The following AGBL1 variants were observed in gnomAD, a reference collection of about 807,000 sequenced individuals.
The protein encoded by AGBL1 is cytosolic carboxypeptidase 4.
Under a neutral mutation model 118.9 loss-of-function variants are expected in AGBL1, and 130 were observed. The observed-to-expected ratio is 1.09, with a 90% CI of 0.95 to 1.26. The LOEUF (loss-of-function observed/expected upper bound fraction) is 1.26, where lower values mean the gene tolerates loss of function less well. Ranked by LOEUF, AGBL1 falls within the 50% of genes most tolerant of loss-of-function variation. The probability of loss-of-function intolerance (pLI) is 0.00; values close to 1 mark genes in which losing one functional copy is unlikely to be tolerated. For missense variants in AGBL1, 1,584 were observed against 1,298.1 expected (o/e 1.22, Z -3.38); for synonymous variants, 555 against 478.9 (o/e 1.16, Z -2.08).
intron 17 of AGBL1, among the ~76,000 whole-genome samples, chr15:86,362,109 G>A (rs892384293): frequency 4.6e-5 from 7 of 152,022 alleles, no homozygotes; most frequent in Admixed American, 4.6e-4. Context: ...ACTAGAGGCT[G>A]CCATGAAATG....
intron 22 of AGBL1, among the ~76,000 whole-genome samples, chr15:86,893,579 G>A (rs2080082006): frequency 6.6e-6 from 1 of 152,108 alleles, no homozygotes. Flanking sequence ...TCATAAAGTT[G>A]CAAATTGCTG....
chr15:86,192,110 C>T (rs1341657834), intron 5 of AGBL1, among the ~76,000 whole-genome samples: 2 of 151,402 alleles, frequency 1.3e-5, no homozygotes, highest in South Asian at 4.2e-4. Flanking sequence ...CCCACTCCTG[C>T]ACGCCCCCAA....
intron 21 of AGBL1, among the ~76,000 whole-genome samples, chr15:86,603,128 G>T (rs2084522092): frequency 6.6e-6 from 1 of 152,140 alleles, no homozygotes; most frequent in Admixed American, 6.5e-5. Context: ...GCCAGAGGAG[G>T]TGGTTTCCTT....
rs1191716144 is a variant in AGBL1, at chr15:86,247,881, C to G, written c.735+2C>G. 6.2e-7 allele frequency: 1 copy of G among 1,613,808 alleles called. No homozygotes were observed. The highest frequency in any genetic ancestry group is 1.1e-5 in the South Asian group (1 of 91,078). ...GAGATCCTCTTCAGCACCACACAGG[C>G]AGGCAGCATGGGGATTCACTCTGCA... On this transcript the variant is annotated splice_donor_variant, in intron 7 of 22. Transcript: ENST00000614907. LOFTEE classifies it high-confidence loss of function.
chr15:86,212,791 A>G (rs1189914988), intron 5 of AGBL1, among the ~76,000 whole-genome samples: 1 of 152,172 alleles, frequency 6.6e-6, no homozygotes, highest in Non-Finnish European at 1.5e-5. Context: ...CTGGGATTAT[A>G]GGTGTATACC....
intron 22 of AGBL1, among the ~76,000 whole-genome samples, chr15:86,861,856 A>G (rs1381577109): frequency 6.6e-6 from 1 of 152,220 alleles, no homozygotes; most frequent in Non-Finnish European, 1.5e-5. Context: ...AACCAACTAT[A>G]TGTCATCAGC....
intron 22 of AGBL1, among the ~76,000 whole-genome samples, chr15:86,687,789 T>G (rs2086086407): frequency 6.6e-6 from 1 of 152,148 alleles, no homozygotes; most frequent in South Asian, 2.1e-4. Context: ...TTCACTATGT[T>G]CAGGTGTTTC....
At chr15:86,307,354 C>T (rs1410956839) in intron 17 of AGBL1, among the ~76,000 whole-genome samples, 3 of 152,036 alleles carry the variant, frequency 2.0e-5, no homozygotes, top group Non-Finnish European at 4.4e-5. Context: ...ATTCATTTAG[C>T]AAAGATTTAT....
chr15:86,387,585 A>G lies in AGBL1; in HGVS notation c.2375-9781A>G, dbSNP rs190456318. Among the ~76,000 whole-genome samples, 317 of 152,342 alleles carry G rather than the reference A, an allele frequency of 2.1e-3. 6 individuals are homozygous for G. Among genetic ancestry groups the G allele is most frequent in the Middle Eastern group, 3.4e-3 (1 of 294 alleles). ...GGGCTTGAAGGTCCTGAACATTAGT[A>G]GGAAAATATGTGTATTACTTACAAT... On this transcript the variant is annotated intron_variant, in intron 17 of 22. Transcript: ENST00000614907.
At chr15:86,535,871 C>T (rs2083419368) in intron 19 of AGBL1, among the ~76,000 whole-genome samples, 1 of 152,198 alleles carries the variant, frequency 6.6e-6, no homozygotes, top group South Asian at 2.1e-4. Context: ...TTTATTTCCA[C>T]TTTATTCCTT....
intron 17 of AGBL1, among the ~76,000 whole-genome samples, chr15:86,324,474 T>C (rs1048399574): frequency 2.0e-5 from 3 of 152,208 alleles, no homozygotes; most frequent in Admixed American, 6.5e-5. Context: ...TGTGAACATC[T>C]CATAGCCTGC....
chr15:86,456,520 C>T (rs942441174), intron 18 of AGBL1, among the ~76,000 whole-genome samples: 1 of 152,152 alleles, frequency 6.6e-6, no homozygotes, highest in African/African-American at 2.4e-5. Context: ...AAACCTCTAA[C>T]TATTGTGGTA....
rs940031597 is a variant in AGBL1, at chr15:86,529,436, C to T, written c.2685+6497C>T. On this transcript the variant is annotated intron_variant, in intron 19 of 22. Coordinates refer to ENST00000614907, the MANE Select transcript of AGBL1 (RefSeq NM_001386094.1). ...AAGAATAAAAAGAAATGAGCAAAGC[C>T]TCCAAGAAATATGGGACTATGTGAA... Among the ~76,000 whole-genome samples, 13 of 133,392 alleles carry T rather than the reference C, an allele frequency of 9.7e-5. 1 individual carries two copies. Among genetic ancestry groups the T allele is most frequent in the African/African-American group, 5.0e-4 (13 of 26,014 alleles). The allele number at this position is 133,392 out of a possible 152,430, so 87.5% of individuals were successfully genotyped here.
intron 24 of AGBL1, among the ~76,000 whole-genome samples, chr15:86,995,413 T>G (rs181215396): frequency 6.1e-4 from 93 of 151,964 alleles, no homozygotes; most frequent in Admixed American, 2.2e-3. Context: ...TAAACAAACA[T>G]AGGGGCACTA....
rs200330064 is a variant in AGBL1 at position 86,342,480 on chromosome 15, AT to A, written c.2374+47080del. Among the ~76,000 whole-genome samples the A allele has an allele frequency of 6.4e-3, 971 of 152,142 alleles. 6 individuals are homozygous for A. The highest frequency in any genetic ancestry group is 8.1e-3 in the African/African-American group (335 of 41,466). Reference sequence around the variant, plus strand: ...TAGAGGATAGTAATAAAGATTAAATATTTTTTTTATTAGATTATATTATTCA... The same window carrying A: ...TAGAGGATAGTAATAAAGATTAAATATTTTTTTATTAGATTATATTATTCA... On this transcript the variant is annotated intron_variant, in intron 17 of 22. Transcript: ENST00000614907.
intron 21 of AGBL1, among the ~76,000 whole-genome samples, chr15:86,653,322 C>T (rs1035953060): frequency 2.0e-5 from 3 of 152,164 alleles, no homozygotes; most frequent in Non-Finnish European, 4.4e-5. Context: ...CTGCTCCTTT[C>T]CCTTCTCCCT....
At chr15:86,487,537 A>G (rs2082728881) in intron 18 of AGBL1, among the ~76,000 whole-genome samples, 1 of 150,392 alleles carries the variant, frequency 6.6e-6, no homozygotes, top group Non-Finnish European at 1.5e-5. Context: ...CTGGTAATGA[A>G]ACGAGCTAAA....
At chr15:86,249,692 C>A (rs2078778912) in intron 7 of AGBL1, among the ~76,000 whole-genome samples, 1 of 152,122 alleles carries the variant, frequency 6.6e-6, no homozygotes, top group Non-Finnish European at 1.5e-5. Context: ...AGTGCTTTAC[C>A]GTGTTCCTCT....
At chr15:86,231,324 G>A (rs2078451674) in intron 6 of AGBL1, among the ~76,000 whole-genome samples, 1 of 152,152 alleles carries the variant, frequency 6.6e-6, no homozygotes, top group African/African-American at 2.4e-5. Context: ...TTTGCTTTCA[G>A]TATGCCTTGG....
Sources: gnomAD v4.1 joint callset for allele counts (sites outside exome capture counted in the v4.1 genomes callset) on GRCh38, gnomAD v4.1.1 for gene constraint, MANE v1.5 for transcripts, NCBI Gene and HGNC (gene_info 2026-07-23, HGNC 2026-07-21) for gene names.